SIMC1: variants seen among roughly 807,000 people sequenced by gnomAD.
SIMC1 encodes the protein SUMO-interacting motif-containing protein 1.
A neutral mutation model predicts 82.3 loss-of-function variants in SIMC1; 55 were observed. The ratio of observed to expected loss-of-function variants is 0.67; its 90% CI spans 0.54 to 0.84. SIMC1 has a LOEUF of 0.84. Ranked by LOEUF, SIMC1 falls within the 40% of genes least tolerant of loss-of-function variation. The pLI is 0.00. For missense variants in SIMC1, 915 were observed against 1,107.2 expected, an observed-to-expected ratio of 0.83 and a Z score of 2.46; for synonymous variants, 353 against 426.3, an observed-to-expected ratio of 0.83 and a Z score of 2.12.
rs752004283 is a variant in SIMC1, at chr5:176,336,904, C to G, written c.2328+28C>G. On this transcript the variant is annotated intron_variant, in intron 8 of 9. Transcript: ENST00000429602. ...ACATTTTTTCCTGCCCAATTTCAGG[C>G]CTAGAGCACCTCTCTTTGCTCTAGG... The G allele has an allele frequency of 2.5e-6, 4 of 1,613,108 alleles. No homozygotes were observed. In the East Asian group the frequency reaches 8.9e-5, roughly 36 times the overall value.
Position 176,336,709 on chromosome 5 carries a change from TCTC to T in SIMC1, c.2172-9_2172-7del, listed in dbSNP as rs1487208820. On this transcript the variant is annotated splice_polypyrimidine_tract_variant and splice_region_variant and intron_variant, in intron 7 of 9. Coordinates refer to ENST00000429602, the MANE Select transcript of SIMC1 (RefSeq NM_001308195.2). ...GTGATGATTAACTCCCTCTTCCTCT[TCTC>T]CACACAGAGAAATGTTCTTTACTAC... 6.2e-7 allele frequency: 1 copy of T among 1,613,574 alleles called. No homozygotes were observed. The highest frequency in any genetic ancestry group is 1.1e-5 in the South Asian group (1 of 91,048).
chr5:176,324,784 C>T lies in SIMC1; in HGVS notation c.2171+27C>T, dbSNP rs757711845. 3.3e-6 allele frequency: 5 copies of T among 1,508,166 alleles called. No individual in the cohort carries two copies. In the African/African-American group the frequency reaches 7.2e-5, roughly 22 times the overall value. The allele number at this position is 1,508,166 out of a possible 1,614,324, so 93.4% of individuals were successfully genotyped here. A position where few individuals can be genotyped will look rare whatever the true frequency, so the allele number is the denominator to read the frequency against. ...TGAGTCTTGATTTTGTTGGGGAGAG[C>T]AGTTATTTAAAAAAAAAACAAAAAA... On this transcript the variant is annotated intron_variant, in intron 7 of 9. Coordinates refer to ENST00000429602, the MANE Select transcript of SIMC1 (RefSeq NM_001308195.2).
At chr5:176,291,349 T>G (rs1763558037) in intron 2 of SIMC1, among the ~76,000 whole-genome samples, 2 of 143,388 alleles carry the variant, frequency 1.4e-5, no homozygotes, top group Middle Eastern at 3.6e-3. Context: ...TTTTTTTTTT[T>G]TTTTTGAGAT....
At chr5:176,307,991 G>A (rs1764500367) in intron 4 of SIMC1, 3 of 624,074 alleles carry the variant, frequency 4.8e-6, no homozygotes, top group Non-Finnish European at 8.7e-6. Context: ...TAACCCAAAT[G>A]TCCATCAGCT....
At chr5:176,276,071 G>C (rs188937530) in intron 1 of SIMC1, among the ~76,000 whole-genome samples, 1 of 151,524 alleles carries the variant, frequency 6.6e-6, no homozygotes, top group Non-Finnish European at 1.5e-5. Flanking sequence ...TTGTACCTCT[G>C]GTAGAATTCG....
At position 176,255,507 on chromosome 5, in the gene SIMC1, C is replaced by T. The variant is rs2913301; in HGVS notation, c.129+16870C>T. Reference sequence around the variant, plus strand: ...CTGAGAAAGGAGAATCGCTTGAACCCGGAGGCAGAAGTTGTAGTGAGCCAA... The same window carrying T: ...CTGAGAAAGGAGAATCGCTTGAACCTGGAGGCAGAAGTTGTAGTGAGCCAA... On this transcript the variant is annotated intron_variant, in intron 1 of 9. Transcript: ENST00000429602. 6.0e-5 allele frequency among the ~76,000 whole-genome samples: 9 copies of T among 150,968 alleles called. No individual in the cohort carries two copies. The South Asian group carries it at 6.3e-4, about 11-fold the overall frequency.
At chr5:176,330,028 G>T (rs1435145556) in intron 7 of SIMC1, among the ~76,000 whole-genome samples, 1 of 152,092 alleles carries the variant, frequency 6.6e-6, no homozygotes, top group Non-Finnish European at 1.5e-5. Context: ...CACTGAGAGA[G>T]CATGGAAGCA....
intron 9 of SIMC1, among the ~76,000 whole-genome samples, chr5:176,343,783 T>TTTTTG (rs141407031): frequency 1.8e-4 from 28 of 151,750 alleles, no homozygotes; most frequent in African/African-American, 6.1e-4. Context: ...TTTTTTTGTT[T>TTTTTG]TTTTGTTTTG....
chr5:176,308,342 A>T, intron 4 of SIMC1: 3 of 1,520,506 alleles, frequency 2.0e-6, no homozygotes, highest in Non-Finnish European at 2.7e-6. Flanking sequence ...TAGAAATTTC[A>T]CCAGGGCAGC....
intron 1 of SIMC1, among the ~76,000 whole-genome samples, chr5:176,256,957 A>G (rs1464492421): frequency 6.6e-6 from 1 of 152,172 alleles, no homozygotes; most frequent in East Asian, 1.9e-4. Context: ...GGGTCTCACT[A>G]TGTTGCCCAC....
At chr5:176,327,767 A>G (rs1765456863) in intron 7 of SIMC1, among the ~76,000 whole-genome samples, 1 of 152,148 alleles carries the variant, frequency 6.6e-6, no homozygotes, top group Non-Finnish European at 1.5e-5. Context: ...GCTTCCTTCC[A>G]TTTCTAGTGT....
intron 1 of SIMC1, among the ~76,000 whole-genome samples, chr5:176,251,977 A>G (rs1432884309): frequency 8.6e-5 from 13 of 151,144 alleles, no homozygotes; most frequent in African/African-American, 3.2e-4. Flanking sequence ...TCCCATGTCT[A>G]CTTCTTTCTA....
chr5:176,289,601 A>G (rs1244432678), intron 1 of SIMC1, 53 bp from the exon 2 acceptor site: 1 of 1,393,022 alleles, frequency 7.2e-7, no homozygotes, highest in Non-Finnish European at 9.7e-7. Flanking sequence ...GTCATCTCAG[A>G]TAAAGCTAAT....
At chr5:176,306,783 G>A (rs748153876) in intron 4 of SIMC1, among the ~76,000 whole-genome samples, 7 of 151,252 alleles carry the variant, frequency 4.6e-5, no homozygotes, top group African/African-American at 9.7e-5. Context: ...TGCGGAGGCC[G>A]CAGGGTCCTC....
chr5:176,342,354 C>T (rs1766187014), intron 9 of SIMC1, among the ~76,000 whole-genome samples: 1 of 152,204 alleles, frequency 6.6e-6, no homozygotes, highest in Non-Finnish European at 1.5e-5. Context: ...CTTCCAATCT[C>T]ATCTAGTACT....
chr5:176,287,737 G>A (rs561246219), intron 1 of SIMC1, among the ~76,000 whole-genome samples: 19 of 149,752 alleles, frequency 1.3e-4, no homozygotes, highest in Middle Eastern at 3.5e-3. Flanking sequence ...CTAAGGAATC[G>A]ACAAAAAAAA....
intron 6 of SIMC1, 75 bp from the exon 7 acceptor site, chr5:176,324,554 G>T (rs1022913191): frequency 7.3e-6 from 11 of 1,504,680 alleles, no homozygotes; most frequent in African/African-American, 2.8e-5. Context: ...TACACTGGTG[G>T]GGACCTCCTC....
intron 1 of SIMC1, among the ~76,000 whole-genome samples, chr5:176,253,007 C>T (rs1458680819): frequency 2.6e-5 from 4 of 152,186 alleles, no homozygotes; most frequent in East Asian, 1.9e-4. Context: ...AGGCGTGGCG[C>T]GCGCGCCTGC....
intron 1 of SIMC1, among the ~76,000 whole-genome samples, chr5:176,247,353 G>T (rs1219389320): frequency 6.6e-6 from 1 of 152,148 alleles, no homozygotes; most frequent in Non-Finnish European, 1.5e-5. Flanking sequence ...TTTCTCTAAT[G>T]ACCAGTGATG....
Sources: allele counts gnomAD v4.1 joint callset (sites outside exome capture counted in the v4.1 genomes callset), GRCh38; gene constraint gnomAD v4.1.1; transcripts MANE v1.5; gene names NCBI Gene and HGNC (gene_info 2026-07-23, HGNC 2026-07-21).